The following GRID2 variants were observed in gnomAD, a reference collection of about 807,000 sequenced individuals.
GRID2 encodes glutamate ionotropic receptor delta type subunit 2, also known as glutamate receptor ionotropic, delta-2.
In GRID2, 33 loss-of-function variants were observed where a neutral mutation model predicts 114.8. The observed-to-expected ratio is 0.29, with a 90% CI of 0.22 to 0.38. The LOEUF (loss-of-function observed/expected upper bound fraction) is 0.38. Among genes scored for constraint, GRID2 ranks in the 10% least tolerant of loss-of-function variants. The probability of loss-of-function intolerance (pLI) is 1.00; values close to 1 mark genes in which losing one functional copy is unlikely to be tolerated. For missense variants in GRID2, 1,184 were observed against 1,257.7 expected (o/e 0.94, Z 0.89); for synonymous variants, 505 against 449.9 (o/e 1.12, Z -1.55).
intron 2 of GRID2, among the ~76,000 whole-genome samples, chr4:92,896,882 A>G (rs1747202031): frequency 6.6e-6 from 1 of 152,146 alleles, no homozygotes; most frequent in Admixed American, 6.5e-5. Flanking sequence ...AGCTGGGATT[A>G]CAGGTATGTG....
intron 8 of GRID2, among the ~76,000 whole-genome samples, chr4:93,367,204 G>GTTT (rs5860328): frequency 5.3e-5 from 7 of 132,468 alleles, no homozygotes; most frequent in Non-Finnish European, 9.5e-5. Context: ...TTTTTTTTAA[G>GTTT]TTTTTTTTTT....
intron 2 of GRID2, among the ~76,000 whole-genome samples, chr4:92,984,163 A>T (rs1244036294): frequency 6.6e-6 from 1 of 152,216 alleles, no homozygotes; most frequent in Non-Finnish European, 1.5e-5. Context: ...ATATATAAAA[A>T]CATTGTCATC....
intron 1 of GRID2, among the ~76,000 whole-genome samples, chr4:92,525,210 G>T (rs1420724013): frequency 6.6e-6 from 1 of 151,660 alleles, no homozygotes. Context: ...AGAACCAAAA[G>T]AGAATATTCA....
At chr4:93,458,527 A>G (rs1327351357) in intron 11 of GRID2, among the ~76,000 whole-genome samples, 2 of 152,168 alleles carry the variant, frequency 1.3e-5, no homozygotes, top group Non-Finnish European at 2.9e-5. Flanking sequence ...AGAACATCCC[A>G]ATTAAAGAAT....
chr4:93,442,274 G>T (rs369401523), intron 10 of GRID2, among the ~76,000 whole-genome samples: 3 of 152,106 alleles, frequency 2.0e-5, no homozygotes, highest in African/African-American at 7.2e-5. Context: ...ATTTCAGTCA[G>T]CGATTGCTCC....
At chr4:93,373,698 T>C (rs1763129019) in intron 8 of GRID2, among the ~76,000 whole-genome samples, 1 of 152,176 alleles carries the variant, frequency 6.6e-6, no homozygotes, top group Non-Finnish European at 1.5e-5. Flanking sequence ...CCTTAATACC[T>C]AAAGCAGCCA....
intron 1 of GRID2, among the ~76,000 whole-genome samples, chr4:93,794,755 C>T (rs767871331): frequency 6.6e-6 from 1 of 152,104 alleles, no homozygotes; most frequent in Non-Finnish European, 1.5e-5. Flanking sequence ...TGTGCTTAAC[C>T]AGTTTCTTCT....
chr4:92,427,681 A>G lies in GRID2; in HGVS notation c.88+122937A>G, dbSNP rs570980081. Among the ~76,000 whole-genome samples the G allele has an allele frequency of 1.4e-4, 21 of 152,302 alleles. No homozygotes were observed. The East Asian group carries it at 3.5e-3, about 25-fold the overall frequency. On this transcript the variant is annotated intron_variant, in intron 1 of 15. Coordinates refer to ENST00000282020, the MANE Select transcript of GRID2 (RefSeq NM_001510.4). ...TTTATCAAAATAGCAACAAAATGTT[A>G]ACAAATAGAGCGAATAGACCAAGTT...
chr4:92,693,989 G>A (rs1349886988), intron 2 of GRID2, among the ~76,000 whole-genome samples: 2 of 152,150 alleles, frequency 1.3e-5, no homozygotes, highest in African/African-American at 4.8e-5. Flanking sequence ...GGCCTTTGAA[G>A]CAGCAGATGT....
intron 4 of GRID2, among the ~76,000 whole-genome samples, chr4:93,131,022 A>C (rs1362548616): frequency 6.6e-6 from 1 of 152,104 alleles, no homozygotes; most frequent in South Asian, 2.1e-4. Context: ...ACTAAACAAA[A>C]ATTTCTTAAA....
At chr4:93,312,641 C>T (rs1053508962) in intron 8 of GRID2, among the ~76,000 whole-genome samples, 2 of 152,112 alleles carry the variant, frequency 1.3e-5, no homozygotes, top group East Asian at 1.9e-4. Flanking sequence ...CATTTCAATG[C>T]TAAAAATATT....
Position 93,783,069 on chromosome 4 carries a change from CA to C in GRID2, c.221+13621del, listed in dbSNP as rs545830124. On this transcript the variant is annotated intron_variant, in intron 1 of 1. Coordinates refer to the GRID2 transcript ENST00000637838. ...TAATAAAATATATGGCATATATCCT[CA>C]ATAAGAATTATTTCATATGCAGGGA... is the stretch of plus-strand genomic sequence containing the variant. 4.3e-3 allele frequency among the ~76,000 whole-genome samples: 661 copies of C among 152,320 alleles called. 3 individuals carry two copies. Among genetic ancestry groups the C allele is most frequent in the Non-Finnish European group, 6.9e-3 (472 of 68,022 alleles).
intron 2 of GRID2, among the ~76,000 whole-genome samples, chr4:92,892,629 T>A (rs1177794902): frequency 6.6e-6 from 1 of 152,202 alleles, no homozygotes. Context: ...CATCACATTG[T>A]TAATGCACTC....
At chr4:92,943,945 G>T (rs866195137) in intron 2 of GRID2, among the ~76,000 whole-genome samples, 1 of 152,162 alleles carries the variant, frequency 6.6e-6, no homozygotes, top group African/African-American at 2.4e-5. Flanking sequence ...TCCTCTGGAA[G>T]TTTTGTCTCA....
At chr4:92,652,745 TG>T (rs554612674) in intron 2 of GRID2, among the ~76,000 whole-genome samples, 1 of 139,328 alleles carries the variant, frequency 7.2e-6, no homozygotes, top group Non-Finnish European at 1.6e-5. Flanking sequence ...CTGGGGGGGT[TG>T]GGGGGTGGAT....
chr4:92,928,011 GT>G (rs1336962976), intron 2 of GRID2, among the ~76,000 whole-genome samples: 3 of 151,660 alleles, frequency 2.0e-5, no homozygotes, highest in African/African-American at 7.3e-5. Flanking sequence ...TCAGATTTGG[GT>G]TTTTGGATTC....
At chr4:93,723,186 T>G (rs2110199824) in intron 14 of GRID2, among the ~76,000 whole-genome samples, 1 of 152,346 alleles carries the variant, frequency 6.6e-6, no homozygotes, top group South Asian at 2.1e-4. Flanking sequence ...CTGATAGAAC[T>G]TCATTCATCC....
intron 1 of GRID2, among the ~76,000 whole-genome samples, chr4:92,481,915 T>C (rs1178920325): frequency 7.2e-6 from 1 of 139,088 alleles, no homozygotes; most frequent in Non-Finnish European, 1.6e-5. Context: ...TACTGCACTA[T>C]TCATTATTGC....
chr4:93,266,436 A>G (rs1750837456), intron 8 of GRID2, among the ~76,000 whole-genome samples: 2 of 151,894 alleles, frequency 1.3e-5, no homozygotes, highest in Admixed American at 6.6e-5. Context: ...TTATTTTTAC[A>G]CACACACACA....
Sources: allele counts gnomAD v4.1 joint callset (sites outside exome capture counted in the v4.1 genomes callset), GRCh38; gene constraint gnomAD v4.1.1; transcripts MANE v1.5; gene names NCBI Gene and HGNC (gene_info 2026-07-23, HGNC 2026-07-21).